Variants in ZC3HAV1 observed in about 807,000 individuals in gnomAD.
ZC3HAV1 encodes the protein zinc finger CCCH-type containing, antiviral 1, also known as zinc finger CCCH-type antiviral protein 1.
Under a neutral mutation model 86.6 loss-of-function variants are expected in ZC3HAV1, and 41 were observed. The observed-to-expected ratio is 0.47, with a 90% confidence interval of 0.37 to 0.61. ZC3HAV1 has a LOEUF of 0.61. Ranked by LOEUF, ZC3HAV1 falls within the 20% of genes least tolerant of loss-of-function variation. ZC3HAV1 has a pLI of 0.00. For synonymous variants in ZC3HAV1, 421 were observed against 432.1 expected, an observed-to-expected ratio of 0.97 and a Z score of 0.32; for missense variants, 964 against 1,141.1, an observed-to-expected ratio of 0.84 and a Z score of 2.24.
chr7:139,097,428 A>ATATATATATATATT, intron 1 of ZC3HAV1, among the ~76,000 whole-genome samples: 1 of 48,160 alleles, frequency 2.1e-5, no homozygotes, highest in Non-Finnish European at 3.3e-5. Context: ...ATATATATAT[A>ATATATATATATATT]TTTTTTTTTT....
chr7:139,071,895 C>G (rs544514324), intron 7 of ZC3HAV1, among the ~76,000 whole-genome samples: 3 of 152,334 alleles, frequency 2.0e-5, no homozygotes, highest in Admixed American at 6.5e-5. Context: ...CATGGTAGGG[C>G]TGTTTGTGGT....
At chr7:139,058,452 C>G (rs1053641464) in intron 9 of ZC3HAV1, among the ~76,000 whole-genome samples, 22 of 133,068 alleles carry the variant, frequency 1.7e-4, no homozygotes, top group Admixed American at 6.3e-4. Context: ...CCCCCCCCCC[C>G]CCACAAAAAA....
rs1817986134 is a variant in ZC3HAV1 at position 139,108,037 on chromosome 7, G to A, written c.308+987C>T. 1.3e-5 allele frequency among the ~76,000 whole-genome samples: 2 copies of A among 152,138 alleles called. No homozygotes were observed. The highest frequency in any genetic ancestry group is 4.1e-4 in the South Asian group (2 of 4,836). ...GGACTTGGTGATGACAGATTGTGAG[G>A]AGGATTAAAACCCTGCCTGGGGGAA... On this transcript the variant is annotated intron_variant, in intron 1 of 12. Transcript: ENST00000242351. The surrounding 1 kb of genome is among the most constrained non-coding windows in gnomAD (Gnocchi z 4.2).
chr7:139,086,638 T>A (rs1343665276), intron 2 of ZC3HAV1, among the ~76,000 whole-genome samples: 1 of 152,154 alleles, frequency 6.6e-6, no homozygotes, highest in Non-Finnish European at 1.5e-5. Context: ...TTTGGCTGTG[T>A]CCCCACCCAA....
intron 1 of ZC3HAV1, among the ~76,000 whole-genome samples, chr7:139,101,212 G>T (rs1817750120): frequency 6.6e-6 from 1 of 151,764 alleles, no homozygotes; most frequent in Non-Finnish European, 1.5e-5. Flanking sequence ...CCTCCCAGCC[G>T]CCTGCCTTGG....
rs1056590553 is a variant in ZC3HAV1 at position 139,072,222 on chromosome 7, G to A, written c.1872+1634C>T. Among the ~76,000 whole-genome samples, 8 of 149,454 alleles carry A rather than the reference G, an allele frequency of 5.4e-5. No homozygotes were observed. The East Asian group carries it at 1.6e-3, about 29-fold the overall frequency. ...TTTTTTTTTTTGGAATCTCACTTTT[G>A]TCACCCAGACTGGAGTGCAGTGGTG... is the stretch of plus-strand genomic sequence containing the variant. On this transcript the variant is annotated intron_variant, in intron 7 of 12. Transcript: ENST00000242351.
intron 7 of ZC3HAV1, among the ~76,000 whole-genome samples, chr7:139,070,146 G>A (rs924576387): frequency 6.6e-6 from 1 of 151,542 alleles, no homozygotes; most frequent in African/African-American, 2.4e-5. Context: ...ATAATGATGG[G>A]TCTTATTAGT....
chr7:139,093,171 C>T (rs749620703), intron 1 of ZC3HAV1, among the ~76,000 whole-genome samples: 32 of 152,030 alleles, frequency 2.1e-4, no homozygotes, highest in Non-Finnish European at 3.8e-4. Context: ...TCAAAGGTGA[C>T]AGATAAGAGG....
chr7:139,083,287 A>C (rs1010765089), intron 3 of ZC3HAV1, among the ~76,000 whole-genome samples: 1 of 152,150 alleles, frequency 6.6e-6, no homozygotes, highest in Non-Finnish European at 1.5e-5. Context: ...ATTGAATTGC[A>C]AACACTGCAT....
rs67134107 is a variant in ZC3HAV1 at position 139,044,797 on chromosome 7, GAAT to G, written c.*2794_*2796del. On this transcript the variant is annotated 3_prime_UTR_variant, in exon 13 of 13. Transcript: ENST00000242351. The stretch of plus-strand genomic sequence containing the variant: ...TGTATGACCTATAGCTCGTCTGCAA[GAAT>G]ATATCCTCATTTTCTCCACTTCGAC... 0.47 allele frequency: 71,959 copies of G among 152,188 alleles called. 17,304 individuals are homozygous for G. Among genetic ancestry groups the G allele is most frequent in the Non-Finnish European group, 0.52 (35,283 of 67,858 alleles). The allele number at this position is 152,188 out of a possible 1,614,324, so 9.4% of individuals were successfully genotyped here.
chr7:139,096,772 C>G (rs1584870919), intron 1 of ZC3HAV1, among the ~76,000 whole-genome samples: 1 of 152,180 alleles, frequency 6.6e-6, no homozygotes, highest in Admixed American at 6.5e-5. Flanking sequence ...AGTGTACCCC[C>G]AAGGAATTAT....
chr7:139,085,750 C>T (rs1228931750), intron 2 of ZC3HAV1, among the ~76,000 whole-genome samples: 1 of 152,134 alleles, frequency 6.6e-6, no homozygotes, highest in East Asian at 1.9e-4. Flanking sequence ...TGGTGGCTCA[C>T]ACCTGTAATC....
chr7:139,106,672 G>A (rs750928023), intron 1 of ZC3HAV1, among the ~76,000 whole-genome samples: 16 of 152,016 alleles, frequency 1.1e-4, no homozygotes, highest in Non-Finnish European at 2.4e-4. Context: ...GAAAATAAAA[G>A]TTGGATTTAT....
chr7:139,079,095 G>A, intron 4 of ZC3HAV1: 2 of 1,535,888 alleles, frequency 1.3e-6, no homozygotes, highest in Non-Finnish European at 1.7e-6. Context: ...TTGTCCTTCA[G>A]TGACTTACAC....
At chr7:139,068,162 C>T (rs563275572) in intron 7 of ZC3HAV1, among the ~76,000 whole-genome samples, 135 of 151,920 alleles carry the variant, frequency 8.9e-4, no homozygotes, top group African/African-American at 2.9e-3. Context: ...TGGGTTCAAG[C>T]GATTCTCCTG....
At chr7:139,106,803 TAG>T (rs1817947876) in intron 1 of ZC3HAV1, among the ~76,000 whole-genome samples, 2 of 150,042 alleles carry the variant, frequency 1.3e-5, no homozygotes, top group Non-Finnish European at 3.0e-5. Context: ...TCTTATGTTT[TAG>T]AGATACTAAA....
At chr7:139,078,763 G>T (rs1279412939) in intron 4 of ZC3HAV1, 110 bp from the exon 5 acceptor site, 5 of 864,008 alleles carry the variant, frequency 5.8e-6, no homozygotes, top group Non-Finnish European at 8.6e-6. Flanking sequence ...CCATGTTCAA[G>T]AAAATTCCTA....
chr7:139,108,102 A>G lies in ZC3HAV1; in HGVS notation c.308+922T>C, dbSNP rs1817988721. Among the ~76,000 whole-genome samples the G allele has an allele frequency of 6.6e-6, 1 of 151,972 alleles. No homozygotes were observed. Among genetic ancestry groups the G allele is most frequent in the South Asian group, 2.1e-4 (1 of 4,818 alleles). On this transcript the variant is annotated intron_variant, in intron 1 of 12. Coordinates refer to ENST00000242351, the MANE Select transcript of ZC3HAV1 (RefSeq NM_020119.4). The surrounding 1 kb of genome is among the most constrained non-coding windows in gnomAD (Gnocchi z 4.2). ...TCCATGGACAGGACACACGCGGGAG[A>G]GGAAGGGCTTGGGATCAAGGGAAAG...
rs1250863710 is a variant in ZC3HAV1, at chr7:139,089,726, T to C, written c.342A>G (p.Ser114=). The C allele has an allele frequency of 6.2e-7, 1 of 1,612,574 alleles. No homozygotes were observed. Among genetic ancestry groups the C allele is most frequent in the African/African-American group, 1.3e-5 (1 of 74,848 alleles). Residue 114 remains serine (S), a synonymous_variant, in exon 2 of 13, where the codon TCA becomes TCG. Coordinates refer to ENST00000242351, the MANE Select transcript of ZC3HAV1 (RefSeq NM_020119.4). ...NLCKYSHEVL[S]EENFKVLKNH... ...TTTTCAGGACTTTGAAGTTCTCTTC[T>C]GAGAGAACCTCATGAGAATATTTGC...
Sources: allele counts gnomAD v4.1 joint callset (sites outside exome capture counted in the v4.1 genomes callset), GRCh38; gene constraint gnomAD v4.1.1; non-coding constraint Gnocchi (gnomAD v3.1); transcripts MANE v1.5; gene names NCBI Gene and HGNC (gene_info 2026-07-23, HGNC 2026-07-21).